The following SF3B3 variants were observed in gnomAD, a reference collection of about 807,000 sequenced individuals.
SF3B3 encodes the protein SAP 130.
SF3B3 carries 33 observed loss-of-function variants against 139.2 expected under a neutral mutation model. The ratio of observed to expected loss-of-function variants is 0.24; its 90% confidence interval spans 0.18 to 0.32. SF3B3 has a LOEUF of 0.32. SF3B3 is among the 10% of genes least tolerant of loss of function. The pLI, the probability that SF3B3 is intolerant of heterozygous loss-of-function variation, is 1.00. For missense variants in SF3B3, 818 were observed against 1,509.4 expected (o/e 0.54, Z 7.59); for synonymous variants, 596 against 563.6 (o/e 1.06, Z -0.81).
intron 13 of SF3B3, 51 bp from the exon 14 acceptor site, chr16:70,556,128 C>G: frequency 6.2e-7 from 1 of 1,600,772 alleles, no homozygotes; most frequent in Non-Finnish European, 8.6e-7. Flanking sequence ...ATTGGAGCAT[C>G]TAGACCCATC....
At chr16:70,555,265 C>A in intron 13 of SF3B3, 59 bp downstream of exon 13, 2 of 1,446,834 alleles carry the variant, frequency 1.4e-6, no homozygotes, top group South Asian at 1.2e-5. Context: ...GAAAGATGGG[C>A]ATTGTAGTCT....
At chr16:70,525,669 T>C (rs886505170) in intron 1 of SF3B3, among the ~76,000 whole-genome samples, 3 of 152,010 alleles carry the variant, frequency 2.0e-5, no homozygotes, top group African/African-American at 7.2e-5. Context: ...ACGTTAAACA[T>C]ATACCTTAGT....
rs755018280 is a variant in SF3B3, at chr16:70,544,506, T to G, written c.1302T>G (p.Ser434=). The G allele has an allele frequency of 7.5e-6, 12 of 1,610,190 alleles. No individual in the cohort carries two copies. Among genetic ancestry groups the G allele is most frequent in the Non-Finnish European group, 1.0e-5 (12 of 1,176,406 alleles). Residue 434 remains serine (S), a synonymous_variant, in exon 10 of 26, where the codon TCT becomes TCG. Coordinates refer to ENST00000302516, the MANE Select transcript of SF3B3 (RefSeq NM_012426.5). ...YVACGRGPRS[S]LRVLRHGLEV... ...CCTGTGGTAGGGGACCCCGATCATC[T>G]CTGAGAGTCCTAAGACATGGACTTG...
At chr16:70,569,196 C>A in intron 23 of SF3B3, 55 bp downstream of exon 23, 1 of 1,272,454 alleles carries the variant, frequency 7.9e-7, no homozygotes. Flanking sequence ...TTTCCTGTTG[C>A]CCTCACTGAA....
chr16:70,554,373 C>G, intron 11 of SF3B3, 73 bp from the exon 12 acceptor site: 1 of 1,447,620 alleles, frequency 6.9e-7, no homozygotes, highest in South Asian at 1.2e-5. Context: ...CTGAAGAGAA[C>G]TCTTAGTGTT....
chr16:70,523,835 A>C lies in SF3B3; in HGVS notation c.-164A>C, dbSNP rs2050016256. The C allele has an allele frequency of 3.7e-6, 2 of 546,420 alleles. No homozygotes were observed. The highest frequency in any genetic ancestry group is 1.9e-5 in the African/African-American group (1 of 51,796). The allele number at this position is 546,420 out of a possible 1,614,324, so 33.8% of individuals were successfully genotyped here. A position where few individuals can be genotyped will look rare whatever the true frequency, so the allele number is the denominator to read the frequency against. ...CAGAATGTCCCTGTCTTGAGGTCTA[A>C]TGGCGGACGCCAGTATGTTGGAGTT... is the stretch of plus-strand genomic sequence containing the variant. On this transcript the variant is annotated 5_prime_UTR_variant, in exon 1 of 26. It removes an upstream start codon present in the reference 5' UTR. Coordinates refer to ENST00000302516, the MANE Select transcript of SF3B3 (RefSeq NM_012426.5).
chr16:70,566,313 A>G (rs904135110), intron 20 of SF3B3, among the ~76,000 whole-genome samples: 1 of 152,120 alleles, frequency 6.6e-6, no homozygotes, highest in Non-Finnish European at 1.5e-5. Flanking sequence ...CTGTAATCCC[A>G]GCACTTTGGA....
chr16:70,537,423 C>T (rs527795441), intron 6 of SF3B3, among the ~76,000 whole-genome samples: 2 of 152,136 alleles, frequency 1.3e-5, no homozygotes, highest in Non-Finnish European at 2.9e-5. Flanking sequence ...ATCCCTCTTC[C>T]CCGGCGTCTT....
At chr16:70,547,598 C>A (rs544757488) in intron 10 of SF3B3, among the ~76,000 whole-genome samples, 2 of 152,144 alleles carry the variant, frequency 1.3e-5, no homozygotes, top group East Asian at 3.9e-4. Context: ...TGACTGATTT[C>A]TTTCTTTTTT....
chr16:70,568,503 G>T lies in SF3B3; in HGVS notation c.3165+8G>T, dbSNP rs113369776. The stretch of plus-strand genomic sequence containing the variant: ...TTTGGCAACATATGTGTGGTGAGTT[G>T]ATGTTGTTAACTTGGGTTACAGTGA... On this transcript the variant is annotated splice_region_variant and intron_variant, in intron 22 of 25. Coordinates refer to ENST00000302516, the MANE Select transcript of SF3B3 (RefSeq NM_012426.5). The T allele has an allele frequency of 7.6e-5, 123 of 1,608,212 alleles. 5 individuals are homozygous for T. The African/African-American group carries it at 7.9e-4, about 10-fold the overall frequency.
At chr16:70,561,815 G>C in intron 17 of SF3B3, 31 bp downstream of exon 17, 1 of 1,603,972 alleles carries the variant, frequency 6.2e-7, no homozygotes. Context: ...AAGCTCAGCA[G>C]GAAGCCTTTC....
At chr16:70,560,429 G>A in intron 15 of SF3B3, 40 bp from the exon 16 acceptor site, 1 of 1,604,726 alleles carries the variant, frequency 6.2e-7, no homozygotes, top group South Asian at 1.1e-5. Context: ...TAGCTGATAA[G>A]CTTCCATCAG....
intron 2 of SF3B3, 99 bp downstream of exon 2, chr16:70,526,825 A>G (rs2050069041): frequency 1.2e-6 from 1 of 830,996 alleles, no homozygotes; most frequent in African/African-American, 1.7e-5. Flanking sequence ...ATGACAAAAC[A>G]GTTGTTGGTA....
chr16:70,553,278 C>G (rs2050345586), intron 11 of SF3B3, among the ~76,000 whole-genome samples: 1 of 152,140 alleles, frequency 6.6e-6, no homozygotes, highest in Admixed American at 6.5e-5. Flanking sequence ...TTCTGCAGAA[C>G]TGATCTAGTA....
chr16:70,556,544 T>C, intron 14 of SF3B3: 1 of 627,958 alleles, frequency 1.6e-6, no homozygotes, highest in Non-Finnish European at 2.8e-6. Flanking sequence ...ACTACAGAAA[T>C]GTTTCTTTGG....
chr16:70,528,834 G>A (rs1466138663), intron 2 of SF3B3, 39 bp from the exon 3 acceptor site: 1 of 1,503,294 alleles, frequency 6.7e-7, no homozygotes. Flanking sequence ...GCCAGGCTGG[G>A]TTCTGGTTGT....
At chr16:70,556,479 G>A in intron 14 of SF3B3, 145 bp downstream of exon 14, 1 of 816,136 alleles carries the variant, frequency 1.2e-6, no homozygotes, top group Non-Finnish European at 2.0e-6. Flanking sequence ...TGCTTCTCTT[G>A]TCATTGCAGT....
chr16:70,565,021 A>G (rs759360268), intron 18 of SF3B3, 44 bp from the exon 19 acceptor site: 6 of 1,590,276 alleles, frequency 3.8e-6, no homozygotes, highest in Non-Finnish European at 4.3e-6. Context: ...GCCAGCCCCT[A>G]CCTCTGAGCA....
chr16:70,536,362 TTTTA>T (rs1429506719), intron 6 of SF3B3, among the ~76,000 whole-genome samples: 1 of 151,810 alleles, frequency 6.6e-6, no homozygotes, highest in East Asian at 1.9e-4. Context: ...ATTTTTTGTA[TTTTA>T]TTTATTTATT....
Sources: gnomAD v4.1 joint callset for allele counts (sites outside exome capture counted in the v4.1 genomes callset) on GRCh38, gnomAD v4.1.1 for gene constraint, MANE v1.5 for transcripts, NCBI Gene and HGNC (gene_info 2026-07-23, HGNC 2026-07-21) for gene names.